IFT88: variants seen among roughly 807,000 people sequenced by gnomAD.
IFT88 encodes intraflagellar transport protein 88 homolog.
Under a neutral mutation model 119.5 loss-of-function variants are expected in IFT88, and 74 were observed. That is an observed-to-expected ratio of 0.62 (90% CI 0.51 to 0.75). IFT88 has a LOEUF of 0.75. IFT88 is among the 30% of genes least tolerant of loss of function. The probability of loss-of-function intolerance (pLI) is 0.00; values close to 1 mark genes in which losing one functional copy is unlikely to be tolerated. For missense variants in IFT88, 961 were observed against 977.7 expected (o/e 0.98, Z 0.23); for synonymous variants, 279 against 316.7 (o/e 0.88, Z 1.26).
intron 3 of IFT88, among the ~76,000 whole-genome samples, chr13:20,584,148 T>C (rs963774916): frequency 7.3e-5 from 5 of 68,932 alleles, no homozygotes; most frequent in Non-Finnish European, 1.3e-4. Context: ...GATGAATCTC[T>C]ATTTCTGTAA....
chr13:20,688,914 A>G (rs527787214), intron 24 of IFT88, among the ~76,000 whole-genome samples: 2 of 152,008 alleles, frequency 1.3e-5, no homozygotes, highest in Admixed American at 6.6e-5. Flanking sequence ...TTATATAAGC[A>G]CTTTATTTTT....
At chr13:20,607,627 T>A (rs1313244106) in intron 13 of IFT88, 10 of 852,208 alleles carry the variant, frequency 1.2e-5, no homozygotes, top group Non-Finnish European at 2.0e-5. Flanking sequence ...CACGCTGTTT[T>A]TTTATGATCC....
At chr13:20,680,641 A>G (rs1325284879) in intron 24 of IFT88, among the ~76,000 whole-genome samples, 1 of 152,122 alleles carries the variant, frequency 6.6e-6, no homozygotes, top group African/African-American at 2.4e-5. Context: ...GCTGTGCCCG[A>G]CCAGTGTTGC....
intron 24 of IFT88, among the ~76,000 whole-genome samples, chr13:20,680,702 G>A (rs1303319960): frequency 6.6e-6 from 1 of 152,096 alleles, no homozygotes; most frequent in Non-Finnish European, 1.5e-5. Flanking sequence ...GGCTGCAACC[G>A]GGGGGTCCTC....
rs762297940 is a variant in IFT88, at chr13:20,614,817, CT to C, written c.1113-960del. ...ATGATTTGGAAAGATTATTTCTTTT[CT>C]TTTTTTTTTTTTTTTGAGACGGAGT... On this transcript the variant is annotated intron_variant, in intron 13 of 25. Coordinates refer to ENST00000351808, the MANE Select transcript of IFT88 (RefSeq NM_006531.5). 7.1e-3 allele frequency among the ~76,000 whole-genome samples: 898 copies of C among 125,854 alleles called. 10 individuals are homozygous for C. The highest frequency in any genetic ancestry group is 9.1e-3 in the Non-Finnish European group (543 of 59,756). The allele number at this position is 125,854 out of a possible 152,430, so 82.6% of individuals were successfully genotyped here.
intron 12 of IFT88, among the ~76,000 whole-genome samples, chr13:20,604,343 A>C (rs2043079290): frequency 6.6e-6 from 1 of 152,220 alleles, no homozygotes; most frequent in South Asian, 2.1e-4. Context: ...AAAATAATAT[A>C]TGTTGTAAAA....
rs2054127011 is a variant in IFT88 at position 20,663,284 on chromosome 13, G to T, written c.2069-214G>T. On this transcript the variant is annotated intron_variant, in intron 22 of 25. Coordinates refer to ENST00000351808, the MANE Select transcript of IFT88 (RefSeq NM_006531.5). ...CTAGGTTCTGGCAGCGTGAGGACAG[G>T]ACACATGGAGAGAGACCCTTTAAAC... is the stretch of plus-strand genomic sequence containing the variant. The T allele has an allele frequency of 2.0e-6, 3 of 1,480,682 alleles. No homozygotes were observed. The African/African-American group carries it at 4.2e-5, about 21-fold the overall frequency. The allele number at this position is 1,480,682 out of a possible 1,614,324, so 91.7% of individuals were successfully genotyped here.
In IFT88 at chr13:20,625,808, A is replaced by G. The variant is rs2047200539; in HGVS notation, c.1258A>G (p.Asn420Asp). The G allele has an allele frequency of 1.2e-6, 2 of 1,604,666 alleles. No individual in the cohort carries two copies. Among genetic ancestry groups the G allele is most frequent in the Non-Finnish European group, 1.7e-6 (2 of 1,177,952 alleles). ...AGAGCTAGCCAATGATCTGGAAATA[A>G]ACAAAGCAGTTACATACTTGAGACA... ...YVELANDLEI[N>D]KAVTYLRQKD... Residue 420 changes from asparagine (N) to aspartate (D), a missense_variant, in exon 15 of 26, where the codon AAC becomes GAC. By Grantham distance (23) the Asn-to-Asp change is conservative. Transcript: ENST00000351808.
chr13:20,619,092 G>A (rs780331355), intron 14 of IFT88, among the ~76,000 whole-genome samples: 8 of 151,930 alleles, frequency 5.3e-5, no homozygotes, highest in Non-Finnish European at 1.2e-4. Context: ...TCCTGACCTC[G>A]TGATCCACCT....
rs1198207591 is a variant in IFT88 at position 20,599,583 on chromosome 13, G to A, written c.812+18G>A. ...CAAATGAGGTAAGTTTATAACAATA[G>A]ATAATAATTGTAAAATTTAAGTGTT... On this transcript the variant is annotated intron_variant, in intron 11 of 25. Transcript: ENST00000351808. 1 of 1,047,868 alleles carries A rather than the reference G, an allele frequency of 9.5e-7. No individual in the cohort carries two copies. The allele number at this position is 1,047,868 out of a possible 1,614,324, so 64.9% of individuals were successfully genotyped here.
At chr13:20,662,955 C>T (rs2054062453) in intron 22 of IFT88, among the ~76,000 whole-genome samples, 1 of 152,140 alleles carries the variant, frequency 6.6e-6, no homozygotes, top group Non-Finnish European at 1.5e-5. Flanking sequence ...ATGATTAACA[C>T]AAAACTTTTT....
intron 4 of IFT88, among the ~76,000 whole-genome samples, chr13:20,590,448 T>C (rs60929053): frequency 2.7e-3 from 409 of 152,276 alleles, no homozygotes; most frequent in African/African-American, 8.9e-3. Context: ...AAAAAATATC[T>C]TCAGAACCTA....
At chr13:20,673,208 C>T (rs2056168238) in intron 24 of IFT88, among the ~76,000 whole-genome samples, 2 of 152,112 alleles carry the variant, frequency 1.3e-5, no homozygotes, top group Admixed American at 1.3e-4. Context: ...ACATCAACAA[C>T]CTTATGTTAA....
chr13:20,684,657 T>G (rs769370504), intron 24 of IFT88, among the ~76,000 whole-genome samples: 2 of 152,216 alleles, frequency 1.3e-5, no homozygotes, highest in Non-Finnish European at 2.9e-5. Context: ...TCTACCACAC[T>G]AAAAAGTTGC....
At chr13:20,629,472 C>G (rs1329518) in intron 15 of IFT88, among the ~76,000 whole-genome samples, 36,781 of 151,860 alleles carry the variant, frequency 0.24, 5,742 homozygotes, top group East Asian at 0.7. Flanking sequence ...ACTTTGTAAA[C>G]TACTGACCTA....
At chr13:20,609,459 T>A (rs41431246) in intron 13 of IFT88, among the ~76,000 whole-genome samples, 32,287 of 152,092 alleles carry the variant, frequency 0.21, 3,961 homozygotes, top group African/African-American at 0.31. Flanking sequence ...GATTCTTTGG[T>A]CAAGAGTCAG....
chr13:20,627,015 G>T (rs2047446722), intron 15 of IFT88, among the ~76,000 whole-genome samples: 1 of 152,170 alleles, frequency 6.6e-6, no homozygotes, highest in African/African-American at 2.4e-5. Flanking sequence ...AACAAAGGAA[G>T]TGGGGAGAAC....
At chr13:20,578,322 C>A (rs1023166731) in intron 2 of IFT88, among the ~76,000 whole-genome samples, 7 of 148,174 alleles carry the variant, frequency 4.7e-5, no homozygotes, top group African/African-American at 1.7e-4. Context: ...GCTGGGATTA[C>A]AGGCGTGAGT....
intron 22 of IFT88, among the ~76,000 whole-genome samples, chr13:20,656,653 T>C (rs561057762): frequency 6.6e-6 from 1 of 152,318 alleles, no homozygotes. Context: ...GAATTTTCTT[T>C]AATACTAAAA....
Sources: gnomAD v4.1 joint callset for allele counts (sites outside exome capture counted in the v4.1 genomes callset) on GRCh38, gnomAD v4.1.1 for gene constraint, MANE v1.5 for transcripts, NCBI Gene and HGNC (gene_info 2026-07-23, HGNC 2026-07-21) for gene names.